The following FAT2 variants were observed in gnomAD, a reference collection of about 807,000 sequenced individuals.
The protein encoded by FAT2 is protocadherin Fat 2.
FAT2 carries 150 observed loss-of-function variants against 295.3 expected under a neutral mutation model. The ratio of observed to expected loss-of-function variants is 0.51; its 90% confidence interval spans 0.44 to 0.58. FAT2 has a LOEUF of 0.58. Among genes scored for constraint, FAT2 ranks in the 20% least tolerant of loss-of-function variants. The pLI, the probability that FAT2 is intolerant of heterozygous loss-of-function variation, is 0.00. For missense variants in FAT2, 4,868 were observed against 5,442.7 expected (o/e 0.89, Z 3.32); for synonymous variants, 2,026 against 2,150.3 (o/e 0.94, Z 1.60).
intron 1 of FAT2, among the ~76,000 whole-genome samples, chr5:151,578,037 A>T (rs2127657805): frequency 6.6e-6 from 1 of 151,514 alleles, no homozygotes; most frequent in South Asian, 2.1e-4. Context: ...AAAAAAAAAG[A>T]TCAAAGCCAA....
chr5:151,566,449 G>A lies in FAT2; in HGVS notation c.2483C>T (p.Thr828Ile), dbSNP rs1224522056. The A allele has an allele frequency of 6.2e-7, 1 of 1,613,348 alleles. No individual in the cohort carries two copies. The highest frequency in any genetic ancestry group is 2.2e-5 in the East Asian group (1 of 44,870). ...PRFPPGGYQLTISEDTEVGTT... is the reference protein window; with the variant it reads ...PRFPPGGYQLIISEDTEVGTT... ...TCCAACTTCTGTGTCCTCCGAGATG[G>A]TTAACTGGTACCCACCGGGAGGAAA... Residue 828 changes from threonine to isoleucine, a missense_variant, in exon 2 of 24, where the codon ACC becomes ATC. Thr to Ile is a moderately conservative substitution (Grantham distance 89). Coordinates refer to ENST00000261800, the MANE Select transcript of FAT2 (RefSeq NM_001447.3).
At position 151,522,495 on chromosome 5, in the gene FAT2, C is replaced by T. The variant is rs573163712; in HGVS notation, c.10507-409G>A. ...TGCACCATGCACCCTGCTCAGCCTA[C>T]GAAAATTCCCCTTGGGATTCCCTTT... is the stretch of plus-strand genomic sequence containing the variant. On this transcript the variant is annotated intron_variant, in intron 18 of 23. Coordinates refer to ENST00000261800, the MANE Select transcript of FAT2 (RefSeq NM_001447.3). Among the ~76,000 whole-genome samples the T allele has an allele frequency of 6.6e-5, 10 of 152,288 alleles. No individual in the cohort carries two copies. The South Asian group carries it at 8.3e-4, about 13-fold the overall frequency.
At chr5:151,507,025 C>T (rs1760939245) in intron 23 of FAT2, 129 bp downstream of exon 23, 6 of 767,844 alleles carry the variant, frequency 7.8e-6, no homozygotes, top group African/African-American at 1.7e-5. Flanking sequence ...GAACACATCT[C>T]ATCATGTCCC....
rs777020321 is a variant in FAT2 at position 151,554,427 on chromosome 5, C to T, written c.3880G>A (p.Asp1294Asn). ...EDSDEEAFSI[D>N]LVTGVVSSSS... ...GATGAAACCACACCTGTGACCAGGTCGATACTGAAGGCCTCCTCATCGCTG... is the reference window on the plus strand; with the variant it reads ...GATGAAACCACACCTGTGACCAGGTTGATACTGAAGGCCTCCTCATCGCTG... Residue 1294 changes from aspartate (D) to asparagine (N), a missense_variant, in exon 5 of 24, where the codon GAC (aspartate) becomes AAC (asparagine). By Grantham distance (23) the Asp-to-Asn change is conservative. This residue lies in a region of FAT2 where 3,297 missense variants were observed against 3,669.4 expected (regional missense o/e 0.90). Coordinates refer to ENST00000261800, the MANE Select transcript of FAT2 (RefSeq NM_001447.3). 9.3e-6 allele frequency: 15 copies of T among 1,614,104 alleles called. No homozygotes were observed. Among genetic ancestry groups the T allele is most frequent in the South Asian group, 2.2e-5 (2 of 91,082 alleles).
Position 151,565,869 on chromosome 5 carries a change from C to T in FAT2, c.3063G>A (p.Leu1021=), listed in dbSNP as rs753637046. Residue 1021 remains leucine, a synonymous_variant, in exon 2 of 24, where the codon CTG becomes CTA. Coordinates refer to ENST00000261800, the MANE Select transcript of FAT2 (RefSeq NM_001447.3). Reference sequence around the variant, plus strand: ...GAGGGTGGAGATTCTCATTCACATCCAGGACGATCACCTCCACATGGCAGA... The same window carrying T: ...GAGGGTGGAGATTCTCATTCACATCTAGGACGATCACCTCCACATGGCAGA... ...RTLCHVEVIV[L]DVNENLHPPH... The T allele has an allele frequency of 6.2e-7, 1 of 1,614,010 alleles. No individual in the cohort carries two copies. Among genetic ancestry groups the T allele is most frequent in the Non-Finnish European group, 8.5e-7 (1 of 1,180,012 alleles).
chr5:151,554,468 G>T lies in FAT2; in HGVS notation c.3839C>A (p.Thr1280Asn). The T allele has an allele frequency of 1.2e-6, 2 of 1,614,194 alleles. No homozygotes were observed. The highest frequency in any genetic ancestry group is 1.7e-6 in the Non-Finnish European group (2 of 1,180,040). The change falls in exon 5 of 24, where the codon ACC becomes AAC. Residue 1280 changes from threonine to asparagine, a missense_variant. Transcript: ENST00000261800. ...CTCATCGCTGTCCTCGATACTGTAG[G>T]TGACTCTGCCATTAAGACCCTCATC... ...DLDEGLNGRV[T>N]YSIEDSDEEA...
chr5:151,549,210 A>G, intron 9 of FAT2, 85 bp downstream of exon 9: 2 of 1,282,076 alleles, frequency 1.6e-6, no homozygotes, highest in Non-Finnish European at 2.2e-6. Flanking sequence ...GTACTTGATT[A>G]ATTTGCGAAT....
Position 151,567,089 on chromosome 5 carries a change from A to G in FAT2, c.1843T>C (p.Phe615Leu). The change falls in exon 2 of 24, where the codon TTC becomes CTC. Residue 615 changes from phenylalanine (F) to leucine (L), a missense_variant. Transcript: ENST00000261800. ...NELEYFDLNH[F>L]SGVISLKRPF... ...CGTTTGAGGGATATCACTCCGGAGA[A>G]ATGATTTAGATCAAAATACTCTAGT... 6.2e-7 allele frequency: 1 copy of G among 1,614,142 alleles called. No homozygotes were observed. The highest frequency in any genetic ancestry group is 8.5e-7 in the Non-Finnish European group (1 of 1,180,032).
intron 6 of FAT2, 30 bp downstream of exon 6, chr5:151,553,147 G>C (rs760419168): frequency 6.2e-7 from 1 of 1,606,686 alleles, no homozygotes; most frequent in South Asian, 1.1e-5. Flanking sequence ...GGAGGGGTTG[G>C]CCCTTGTTGG....
intron 4 of FAT2, 68 bp downstream of exon 4, chr5:151,556,271 AGACAT>A: frequency 2.4e-6 from 3 of 1,244,200 alleles, no homozygotes; most frequent in Non-Finnish European, 3.6e-6. Context: ...CCACAGTGCT[AGACAT>A]GCACGTGGCT....
intron 22 of FAT2, among the ~76,000 whole-genome samples, chr5:151,508,578 C>T (rs1761071902): frequency 6.6e-6 from 1 of 152,094 alleles, no homozygotes; most frequent in Non-Finnish European, 1.5e-5. Context: ...GGTGTTATGG[C>T]ACATGCCTGT....
rs2127612417 is a variant in FAT2 at position 151,545,555 on chromosome 5, C to T, written c.5572G>A (p.Val1858Ile). Residue 1858 changes from valine (V) to isoleucine (I), a missense_variant, in exon 10 of 24, where the codon GTC (valine) becomes ATC (isoleucine). By Grantham distance (29) the Val-to-Ile change is conservative (BLOSUM62 3). Transcript: ENST00000261800. ...TTCACATCTCTGACATGAATGATGACTTGGGCAGGTCTGGGTGCAAATAAT... is the reference window on the plus strand; with the variant it reads ...TTCACATCTCTGACATGAATGATGATTTGGGCAGGTCTGGGTGCAAATAAT... The part of the protein sequence containing the change: ...PVLFAPRPAQ[V>I]IIHVRDVNDS... 9 of 1,614,100 alleles carry T rather than the reference C, an allele frequency of 5.6e-6. No homozygotes were observed. Among genetic ancestry groups the T allele is most frequent in the Non-Finnish European group, 7.6e-6 (9 of 1,180,004 alleles).
chr5:151,581,114 C>T (rs970837569), intron 1 of FAT2, among the ~76,000 whole-genome samples: 1 of 152,166 alleles, frequency 6.6e-6, no homozygotes, highest in Non-Finnish European at 1.5e-5. Flanking sequence ...GAGGGGCTAC[C>T]TGTGTTGGAG....
chr5:151,575,134 G>A (rs1432189896), intron 1 of FAT2, among the ~76,000 whole-genome samples: 1 of 152,220 alleles, frequency 6.6e-6, no homozygotes, highest in Non-Finnish European at 1.5e-5. Context: ...GTAAAAGTCA[G>A]GCCTGTCCTA....
At position 151,567,897 on chromosome 5, in the gene FAT2, G is replaced by T. The variant is rs755376995; in HGVS notation, c.1035C>A (p.Ser345=). ...GTGGTAGGTGAAAGCCCCTGATCTG[G>T]GAATAAAAATAAGGGCCGCTCCCAC... ...ARSGSGPYFY[S]QIRGFHLPPS... is the part of the protein sequence containing the mutation. Residue 345 remains serine (S), a synonymous_variant, in exon 2 of 24, where the codon TCC becomes TCA. Coordinates refer to ENST00000261800, the MANE Select transcript of FAT2 (RefSeq NM_001447.3). 1 of 1,614,050 alleles carries T rather than the reference G, an allele frequency of 6.2e-7. No individual in the cohort carries two copies. Among genetic ancestry groups the T allele is most frequent in the East Asian group, 2.2e-5 (1 of 44,886 alleles).
intron 19 of FAT2, 64 bp from the exon 20 acceptor site, chr5:151,517,829 CTT>C: frequency 1.9e-6 from 3 of 1,581,132 alleles, no homozygotes; most frequent in Non-Finnish European, 1.7e-6. Context: ...CTTGGACTGA[CTT>C]TGTCTTATTT....
intron 15 of FAT2, 128 bp from the exon 16 acceptor site, chr5:151,528,261 C>T: frequency 9.6e-7 from 1 of 1,044,368 alleles, no homozygotes; most frequent in Non-Finnish European, 1.4e-6. Context: ...TCACAGTTGT[C>T]CCTGCCAAAG....
chr5:151,581,430 T>C (rs759635088), intron 1 of FAT2, among the ~76,000 whole-genome samples: 18 of 152,154 alleles, frequency 1.2e-4, no homozygotes, highest in Non-Finnish European at 2.1e-4. Flanking sequence ...TCATGGAGAC[T>C]AGTCCCTGCT....
chr5:151,569,187 C>T (rs951619713), intron 1 of FAT2, among the ~76,000 whole-genome samples: 8 of 152,124 alleles, frequency 5.3e-5, no homozygotes, highest in Non-Finnish European at 1.0e-4. Context: ...AGTCAGTTCT[C>T]ACACTGAGAA....
Sources: allele counts gnomAD v4.1 joint callset (sites outside exome capture counted in the v4.1 genomes callset), GRCh38; gene constraint gnomAD v4.1.1; regional missense constraint gnomAD v4.1.1; transcripts MANE v1.5; gene names NCBI Gene and HGNC (gene_info 2026-07-23, HGNC 2026-07-21).